Variants in DCAF8L2 observed in about 807,000 individuals in gnomAD.
The protein encoded by DCAF8L2 is DDB1- and CUL4-associated factor 8-like protein 2.
For missense variants in DCAF8L2, 430 were observed against 490.7 expected (o/e 0.88, Z 1.17); for synonymous variants, 200 against 190.9 (o/e 1.05, Z -0.39).
At chrX:27,560,311 C>G in the DCAF8L2 span, among the ~76,000 whole-genome samples, 6 of 109,921 alleles carry the variant, frequency 5.5e-5, no homozygotes, top group Non-Finnish European at 7.6e-5. Flanking sequence ...GCCTTAACCT[C>G]TGTTCACTGG....
chrX:27,552,720 C>T, the DCAF8L2 span, among the ~76,000 whole-genome samples: 1 of 111,480 alleles, frequency 9.0e-6, no homozygotes, highest in Non-Finnish European at 1.9e-5. Context: ...ATTTTGTAGT[C>T]AGGTAGCATG....
intron 1 of DCAF8L2, among the ~76,000 whole-genome samples, chrX:27,616,736 G>A (rs983378273): frequency 6.3e-5 from 7 of 111,338 alleles, no homozygotes; most frequent in Non-Finnish European, 1.3e-4. Flanking sequence ...CCATCAGAGA[G>A]AGGCTCTTTG....
At chrX:27,505,322 T>C in the DCAF8L2 span, among the ~76,000 whole-genome samples, 75 of 111,642 alleles carry the variant, frequency 6.7e-4, no homozygotes, top group Admixed American at 7.1e-3. Context: ...CACGGCTAAA[T>C]ACTTGGCGTT....
the DCAF8L2 span, among the ~76,000 whole-genome samples, chrX:27,517,517 A>G: frequency 9.0e-6 from 1 of 110,974 alleles, no homozygotes; most frequent in African/African-American, 3.3e-5. Context: ...AAAAGAAAAG[A>G]AAGAATGTGA....
intron 1 of DCAF8L2, among the ~76,000 whole-genome samples, chrX:27,601,329 T>C (rs746035904): frequency 8.9e-6 from 1 of 112,504 alleles, no homozygotes; most frequent in East Asian, 2.8e-4. Context: ...GTGAACCACA[T>C]ATGTAGGAAC....
chrX:27,489,366 G>A, the DCAF8L2 span, among the ~76,000 whole-genome samples: 1 of 112,367 alleles, frequency 8.9e-6, no homozygotes, highest in East Asian at 2.8e-4. Context: ...CAAAGTGCTG[G>A]GATTACAGGC....
At chrX:27,713,602 AT>A (rs1931600868) in intron 3 of DCAF8L2, among the ~76,000 whole-genome samples, 1 of 112,089 alleles carries the variant, frequency 8.9e-6, no homozygotes, top group South Asian at 3.7e-4. Flanking sequence ...AACATTATAC[AT>A]TGTTTATTTG....
intron 4 of DCAF8L2, among the ~76,000 whole-genome samples, chrX:27,718,641 G>T (rs769389951): frequency 2.8e-5 from 3 of 109,063 alleles, no homozygotes; most frequent in Non-Finnish European, 5.7e-5. Context: ...GGCCTAAGTA[G>T]AAAAAAAAAC....
At chrX:27,566,111 C>T in the DCAF8L2 span, among the ~76,000 whole-genome samples, 1 of 109,300 alleles carries the variant, frequency 9.1e-6, no homozygotes, top group Non-Finnish European at 1.9e-5. Context: ...CATGTCTTAG[C>T]CAACTCCCGC....
At chrX:27,495,739 C>A in the DCAF8L2 span, among the ~76,000 whole-genome samples, 1 of 111,286 alleles carries the variant, frequency 9.0e-6, no homozygotes, top group Non-Finnish European at 1.9e-5. Flanking sequence ...TTGCTGTTTC[C>A]TATAAGACAA....
chrX:27,653,394 C>T (rs752897341), intron 2 of DCAF8L2, among the ~76,000 whole-genome samples: 11 of 111,396 alleles, frequency 9.9e-5, no homozygotes, highest in Non-Finnish European at 1.7e-4. Context: ...AGATCTAGTT[C>T]ATTGGTTCCA....
chrX:27,644,395 GA>G (rs1369575825), intron 2 of DCAF8L2, among the ~76,000 whole-genome samples: 1 of 111,738 alleles, frequency 8.9e-6, no homozygotes. Context: ...TCAAGTGAAT[GA>G]ATAGATGAAA....
intron 2 of DCAF8L2, among the ~76,000 whole-genome samples, chrX:27,660,077 C>T (rs1929501509): frequency 9.0e-6 from 1 of 111,691 alleles, no homozygotes; most frequent in African/African-American, 3.3e-5. Context: ...GGCTGAAGTG[C>T]AACGGCGCGA....
chrX:27,574,666 G>T, the DCAF8L2 span, among the ~76,000 whole-genome samples: 3 of 112,012 alleles, frequency 2.7e-5, no homozygotes, highest in South Asian at 7.4e-4. Context: ...TGTTCTGACC[G>T]ATTTAGTGTT....
At chrX:27,535,573 A>C in the DCAF8L2 span, among the ~76,000 whole-genome samples, 1 of 111,229 alleles carries the variant, frequency 9.0e-6, no homozygotes. Flanking sequence ...GCCTCTGCTT[A>C]CCTAAAGGTA....
the DCAF8L2 span, chrX:27,517,647 A>G: frequency 1.7e-6 from 1 of 577,342 alleles, no homozygotes; most frequent in Non-Finnish European, 3.0e-6. Context: ...TAGCTAGCAC[A>G]GTCAAACTGG....
the DCAF8L2 span, among the ~76,000 whole-genome samples, chrX:27,555,456 G>A: frequency 1.8e-5 from 2 of 111,833 alleles, no homozygotes; most frequent in African/African-American, 6.5e-5. Context: ...AGACATGTTG[G>A]TTGGGATCAA....
At chrX:27,689,278 C>G (rs1002856419) in intron 3 of DCAF8L2, among the ~76,000 whole-genome samples, 1 of 112,407 alleles carries the variant, frequency 8.9e-6, no homozygotes, top group African/African-American at 3.2e-5. Context: ...GAGTCTCGCT[C>G]AGTCACTCAG....
At chrX:27,527,035 A>G in the DCAF8L2 span, among the ~76,000 whole-genome samples, 1 of 111,924 alleles carries the variant, frequency 8.9e-6, no homozygotes, top group Non-Finnish European at 1.9e-5. Context: ...TAGGAGAACC[A>G]CTACTCTCTT....
Sources: allele counts gnomAD v4.1 joint callset (sites outside exome capture counted in the v4.1 genomes callset), GRCh38; gene constraint gnomAD v4.1.1; transcripts MANE v1.5; gene names NCBI Gene and HGNC (gene_info 2026-07-23, HGNC 2026-07-21).